Variants in ACAT2 observed in about 807,000 individuals in gnomAD.
The protein encoded by ACAT2 is acetyl-CoA acetyltransferase 2, also known as acetyl-CoA acetyltransferase, cytosolic.
A neutral mutation model predicts 37.1 loss-of-function variants in ACAT2; 26 were observed. The ratio of observed to expected loss-of-function variants is 0.70; its 90% CI spans 0.51 to 0.97. The LOEUF (loss-of-function observed/expected upper bound fraction) is 0.97. ACAT2 is among the 50% of genes least tolerant of loss of function. The probability of loss-of-function intolerance (pLI) is 0.00; values close to 1 mark genes in which losing one functional copy is unlikely to be tolerated. For missense variants in ACAT2, 468 were observed against 489.0 expected, an observed-to-expected ratio of 0.96 and a Z score of 0.40; for synonymous variants, 156 against 163.6, an observed-to-expected ratio of 0.95 and a Z score of 0.35.
At chr6:159,769,880 G>C (rs1383686578) in intron 4 of ACAT2, among the ~76,000 whole-genome samples, 1 of 152,208 alleles carries the variant, frequency 6.6e-6, no homozygotes, top group Non-Finnish European at 1.5e-5. Context: ...TTAAGTCTTT[G>C]ATCAAATACT....
rs762894465 is a variant in ACAT2 at position 159,777,335 on chromosome 6, T to C, written c.791T>C (p.Met264Thr). 2.5e-6 allele frequency: 4 copies of C among 1,613,852 alleles called. No individual in the cohort carries two copies. The highest frequency in any genetic ancestry group is 1.6e-4 in the Middle Eastern group (1 of 6,062). The change falls in exon 7 of 9, where the codon ATG (methionine) becomes ACG (threonine). Residue 264 changes from methionine (M) to threonine (T), a missense_variant. Coordinates refer to ENST00000367048, the MANE Select transcript of ACAT2 (RefSeq NM_005891.3). ...GATGGTGCTGCAGCTGTCGTTCTTA[T>C]GAAGAAGTCAGAAGCTGATAAACGT... Reference protein sequence around the residue: ...INDGAAAVVLMKKSEADKRGL... With the variant: ...INDGAAAVVLTKKSEADKRGL...
At position 159,777,337 on chromosome 6, in the gene ACAT2, A is replaced by T. The variant is rs1231314466; in HGVS notation, c.793A>T (p.Lys265Ter). The stretch of plus-strand genomic sequence containing the variant: ...TGGTGCTGCAGCTGTCGTTCTTATG[A>T]AGAAGTCAGAAGCTGATAAACGTGG... ...NDGAAAVVLM[K>*]KSEADKRGLT... Residue 265 changes from lysine to a stop codon, truncating the protein, a stop_gained, in exon 7 of 9, where the codon AAG becomes TAG. Coordinates refer to ENST00000367048, the MANE Select transcript of ACAT2 (RefSeq NM_005891.3). LOFTEE classifies it high-confidence loss of function. 2 of 1,613,962 alleles carry T rather than the reference A, an allele frequency of 1.2e-6. No homozygotes were observed. The highest frequency in any genetic ancestry group is 1.7e-6 in the Non-Finnish European group (2 of 1,179,976).
At chr6:159,762,893 C>T in intron 1 of ACAT2, 26 bp from the exon 2 acceptor site, 2 of 1,605,586 alleles carry the variant, frequency 1.2e-6, no homozygotes, top group Non-Finnish European at 1.7e-6. Flanking sequence ...CTTGTGATGT[C>T]CACGCTCTCC....
Position 159,777,345 on chromosome 6 carries a change from A to G in ACAT2, c.801A>G (p.Ser267=). 1 of 1,614,192 alleles carries G rather than the reference A, an allele frequency of 6.2e-7. No homozygotes were observed. The highest frequency in any genetic ancestry group is 8.5e-7 in the Non-Finnish European group (1 of 1,180,026). Residue 267 remains serine (S), a synonymous_variant, in exon 7 of 9, where the codon TCA becomes TCG. Coordinates refer to ENST00000367048, the MANE Select transcript of ACAT2 (RefSeq NM_005891.3). ...GAAAVVLMKK[S]EADKRGLTPL... ...CAGCTGTCGTTCTTATGAAGAAGTC[A>G]GAAGCTGATAAACGTGGGCTTACAC...
At chr6:159,769,916 G>A (rs1780310074) in intron 4 of ACAT2, among the ~76,000 whole-genome samples, 1 of 152,174 alleles carries the variant, frequency 6.6e-6, no homozygotes, top group Non-Finnish European at 1.5e-5. Flanking sequence ...AGCTTACAAG[G>A]CCTAGTAGAA....
At chr6:159,770,182 A>T (rs1023477146) in intron 4 of ACAT2, among the ~76,000 whole-genome samples, 1 of 152,212 alleles carries the variant, frequency 6.6e-6, no homozygotes, top group Non-Finnish European at 1.5e-5. Context: ...AAAACTCAAT[A>T]TATTCTCTAA....
At chr6:159,762,610 A>G in intron 1 of ACAT2, 1 of 1,400,964 alleles carries the variant, frequency 7.1e-7, no homozygotes, top group Non-Finnish European at 9.4e-7. Context: ...AACGCCCTTG[A>G]CCCGCCGGTT....
At chr6:159,766,889 AC>A in intron 2 of ACAT2, 115 bp from the exon 3 acceptor site, 1 of 1,275,294 alleles carries the variant, frequency 7.8e-7, no homozygotes, top group Non-Finnish European at 1.1e-6. Context: ...CACTTACTTG[AC>A]CTGTAGGCTT....
chr6:159,773,283 A>G (rs2114982472), intron 4 of ACAT2, among the ~76,000 whole-genome samples: 1 of 152,344 alleles, frequency 6.6e-6, no homozygotes, highest in South Asian at 2.1e-4. Flanking sequence ...GTGTGTGTGT[A>G]TATGTAAAAT....
chr6:159,768,226 G>T (rs774349080), intron 3 of ACAT2, among the ~76,000 whole-genome samples: 8 of 152,158 alleles, frequency 5.3e-5, no homozygotes, highest in Non-Finnish European at 1.0e-4. Context: ...TCGATGGAAA[G>T]AATAAATGGA....
chr6:159,775,579 G>C (rs1780400218), intron 5 of ACAT2: 1 of 353,490 alleles, frequency 2.8e-6, no homozygotes, highest in South Asian at 4.9e-5. Flanking sequence ...TGAGAAGCTG[G>C]AGCACTGGCT....
chr6:159,764,444 T>G (rs1225983491), intron 2 of ACAT2, among the ~76,000 whole-genome samples: 1 of 151,698 alleles, frequency 6.6e-6, no homozygotes, highest in Non-Finnish European at 1.5e-5. Flanking sequence ...TAATTATTAT[T>G]ATTATTATTT....
At chr6:159,776,792 T>C (rs901865288) in intron 6 of ACAT2, among the ~76,000 whole-genome samples, 2 of 150,952 alleles carry the variant, frequency 1.3e-5, no homozygotes, top group East Asian at 1.9e-4. Flanking sequence ...GCTGTAATCC[T>C]TTTTTTTTCT....
intron 3 of ACAT2, among the ~76,000 whole-genome samples, chr6:159,767,866 ATCTGTG>A (rs2114978528): frequency 6.6e-6 from 1 of 152,316 alleles, no homozygotes; most frequent in South Asian, 2.1e-4. Context: ...TGATACTGAC[ATCTGTG>A]TAGTACTTTA....
At chr6:159,769,552 A>G (rs2114979708) in intron 4 of ACAT2, among the ~76,000 whole-genome samples, 1 of 152,380 alleles carries the variant, frequency 6.6e-6, no homozygotes, top group Non-Finnish European at 1.5e-5. Context: ...GGAGTAATTG[A>G]CAAAGATTAG....
intron 2 of ACAT2, among the ~76,000 whole-genome samples, chr6:159,766,345 G>A (rs1780254795): frequency 6.6e-6 from 1 of 151,890 alleles, no homozygotes; most frequent in Non-Finnish European, 1.5e-5. Flanking sequence ...ATAATGCCTA[G>A]GTTATATCCT....
At chr6:159,776,766 T>C (rs1381104778) in intron 6 of ACAT2, among the ~76,000 whole-genome samples, 2 of 151,976 alleles carry the variant, frequency 1.3e-5, no homozygotes, top group Non-Finnish European at 2.9e-5. Context: ...CTGTCAGAGA[T>C]CTCCCCTCCC....
At chr6:159,777,502 G>T (rs1780444027) in intron 7 of ACAT2, 46 bp downstream of exon 7, 8 of 1,567,874 alleles carry the variant, frequency 5.1e-6, no homozygotes, top group Non-Finnish European at 4.3e-6. Context: ...CTTCCTGTTA[G>T]CCTTAAGTGA....
At position 159,775,328 on chromosome 6, in the gene ACAT2, G is replaced by A. The variant is rs771033339; in HGVS notation, c.634+15G>A. On this transcript the variant is annotated intron_variant, in intron 5 of 8. Transcript: ENST00000367048. ...AACTAGAAAAGGTGAGTATATCATA[G>A]TGGTTTAAACATCAACCTATTTATA... 4 of 1,612,942 alleles carry A rather than the reference G, an allele frequency of 2.5e-6. No homozygotes were observed. The highest frequency in any genetic ancestry group is 3.4e-6 in the Non-Finnish European group (4 of 1,179,296).
Sources: allele counts gnomAD v4.1 joint callset (sites outside exome capture counted in the v4.1 genomes callset), GRCh38; gene constraint gnomAD v4.1.1; transcripts MANE v1.5; gene names NCBI Gene and HGNC (gene_info 2026-07-23, HGNC 2026-07-21).